SMARCA2: variants seen among roughly 807,000 people sequenced by gnomAD.
SMARCA2 encodes SWI/SNF-related matrix-associated actin-dependent regulator of chromatin subfamily A member 2.
In SMARCA2, 61 loss-of-function variants were observed where a neutral mutation model predicts 199.8. The ratio of observed to expected loss-of-function variants is 0.31; its 90% CI spans 0.25 to 0.38. The LOEUF is 0.38. Ranked by LOEUF, SMARCA2 falls within the 10% of genes least tolerant of loss-of-function variation. The probability of loss-of-function intolerance (pLI) is 1.00; values close to 1 mark genes in which losing one functional copy is unlikely to be tolerated. For synonymous variants in SMARCA2, 935 were observed against 732.0 expected (o/e 1.28, Z -4.48); for missense variants, 1,344 against 2,012.2 (o/e 0.67, Z 6.35).
intron 27 of SMARCA2, chr9:2,160,222 T>A: frequency 2.5e-6 from 1 of 393,592 alleles, no homozygotes; most frequent in Non-Finnish European, 4.5e-6. Flanking sequence ...TTTTTTTTTT[T>A]TTTTCCTTTT....
In SMARCA2 at chr9:2,083,339, T is replaced by A; in HGVS notation, c.2349-8T>A. On this transcript the variant is annotated splice_polypyrimidine_tract_variant and splice_region_variant and intron_variant, in intron 15 of 33. Coordinates refer to ENST00000349721, the MANE Select transcript of SMARCA2 (RefSeq NM_003070.5). ...TTTTTTCTGTTGTTTTTTTTTTTTG[T>A]TCCATAGGACTCTATCTAACTGGAC... 1 of 1,533,266 alleles carries A rather than the reference T, an allele frequency of 6.5e-7. No homozygotes were observed. The highest frequency in any genetic ancestry group is 8.8e-7 in the Non-Finnish European group (1 of 1,134,966). 95.0% of individuals were successfully genotyped at this position (1,533,266 alleles called of 1,614,324 possible).
chr9:2,058,223 C>A (rs561017455), intron 7 of SMARCA2, 68 bp from the exon 8 acceptor site: 2 of 1,392,778 alleles, frequency 1.4e-6, no homozygotes, highest in African/African-American at 1.4e-5. Context: ...TTGGACAACA[C>A]TGATAGCTCA....
At chr9:2,083,304 T>C (rs1359618158) in intron 15 of SMARCA2, 43 bp from the exon 16 acceptor site, 1 of 1,325,282 alleles carries the variant, frequency 7.5e-7, no homozygotes, top group Non-Finnish European at 1.1e-6. Flanking sequence ...TTGATTTTTA[T>C]ACAAATGTCT....
chr9:2,173,959 T>G (rs1826396555), intron 29 of SMARCA2, among the ~76,000 whole-genome samples: 3 of 152,198 alleles, frequency 2.0e-5, no homozygotes, highest in Non-Finnish European at 2.9e-5. Context: ...TATTTTGCCC[T>G]CATTACAAAT....
intron 10 of SMARCA2, among the ~76,000 whole-genome samples, chr9:2,072,684 C>T (rs1411846472): frequency 6.6e-6 from 1 of 152,170 alleles, no homozygotes; most frequent in Non-Finnish European, 1.5e-5. Context: ...TTACAAATGA[C>T]CAAAATCAAG....
chr9:2,073,198 T>C lies in SMARCA2; in HGVS notation c.1747-14T>C. 1.9e-6 allele frequency: 3 copies of C among 1,613,872 alleles called. No homozygotes were observed. Among genetic ancestry groups the C allele is most frequent in the South Asian group, 1.1e-5 (1 of 91,010 alleles). Reference sequence around the variant, plus strand: ...TTAACATGAAACCGTGACATGATTTTCCCTCCTTTGTAGCCCATAGATGAG... The same window carrying C: ...TTAACATGAAACCGTGACATGATTTCCCCTCCTTTGTAGCCCATAGATGAG... On this transcript the variant is annotated splice_polypyrimidine_tract_variant and intron_variant, in intron 10 of 33. Coordinates refer to ENST00000349721, the MANE Select transcript of SMARCA2 (RefSeq NM_003070.5).
At chr9:2,157,825 G>C in intron 27 of SMARCA2, 1 of 398,288 alleles carries the variant, frequency 2.5e-6, no homozygotes, top group South Asian at 1.3e-4. Context: ...TTACACCACC[G>C]GGTTGAGAAG....
chr9:2,161,607 A>G lies in SMARCA2; in HGVS notation c.3982-79A>G, dbSNP rs1825679614. On this transcript the variant is annotated intron_variant, in intron 27 of 33. Transcript: ENST00000349721. This position sits in a 1 kb window ranked among gnomAD's most constrained non-coding sequence, Gnocchi z 4.7. ...TCATTTTATTCTAATTGTTGGAGCT[A>G]TATATAAATATACACATACTTTTTT... 1.1e-6 allele frequency: 1 copy of G among 894,866 alleles called. No individual in the cohort carries two copies. Among genetic ancestry groups the G allele is most frequent in the Non-Finnish European group, 1.8e-6 (1 of 567,290 alleles). The allele number at this position is 894,866 out of a possible 1,614,324, so 55.4% of individuals were successfully genotyped here. A position where few individuals can be genotyped will look rare whatever the true frequency, so the allele number is the denominator to read the frequency against.
intron 23 of SMARCA2, among the ~76,000 whole-genome samples, chr9:2,106,443 A>G (rs1188125345): frequency 6.6e-6 from 1 of 152,218 alleles, no homozygotes; most frequent in African/African-American, 2.4e-5. Flanking sequence ...GGAGACAGAC[A>G]AGCAAATTGC....
intron 23 of SMARCA2, among the ~76,000 whole-genome samples, chr9:2,105,861 C>G (rs1382845020): frequency 6.6e-6 from 1 of 152,196 alleles, no homozygotes; most frequent in Non-Finnish European, 1.5e-5. Context: ...TACTTTGTGG[C>G]ATTTCATTTC....
rs7874677 is a variant in SMARCA2, at chr9:2,080,878, T to A, written c.2185-954T>A. On this transcript the variant is annotated intron_variant, in intron 14 of 33. Transcript: ENST00000349721. ...CTCATTCATTGTTTTCTCTTTTATT[T>A]GAGCTTCTGAAGGGAGGCATGCATC... Among the ~76,000 whole-genome samples the A allele has an allele frequency of 6.5e-3, 985 of 152,346 alleles. 17 individuals carry two copies. Among genetic ancestry groups the A allele is most frequent in the African/African-American group, 0.023 (940 of 41,578 alleles).
chr9:2,098,357 CTCT>C (rs772673557), intron 21 of SMARCA2, among the ~76,000 whole-genome samples: 4 of 152,216 alleles, frequency 2.6e-5, no homozygotes, highest in Non-Finnish European at 5.9e-5. Context: ...AGTTGGAGCA[CTCT>C]TCTTTTCGAA....
chr9:2,113,725 C>T (rs1823103937), intron 24 of SMARCA2, among the ~76,000 whole-genome samples: 1 of 152,170 alleles, frequency 6.6e-6, no homozygotes, highest in African/African-American at 2.4e-5. Flanking sequence ...TAATGTCTGA[C>T]CGTGTTCCTA....
intron 4 of SMARCA2, 176 bp downstream of exon 4, chr9:2,040,076 G>C: frequency 8.0e-7 from 1 of 1,243,152 alleles, no homozygotes; most frequent in Non-Finnish European, 1.1e-6. Context: ...TTCCCCTGCT[G>C]TTGAGACCTA....
chr9:2,099,528 G>A (rs751383767), intron 21 of SMARCA2, among the ~76,000 whole-genome samples: 1 of 152,110 alleles, frequency 6.6e-6, no homozygotes, highest in Non-Finnish European at 1.5e-5. Flanking sequence ...GAGGAGGAGG[G>A]GGAATCATGA....
At position 2,055,295 on chromosome 9, in the gene SMARCA2, G is replaced by C. The variant is rs141800450; in HGVS notation, c.1173+572G>C. The stretch of plus-strand genomic sequence containing the variant: ...AATCAGTAAATTATCTGCTCTTGTA[G>C]TTTACAGCAGTTATTAAAAGCCAGT... On this transcript the variant is annotated intron_variant, in intron 6 of 33. Coordinates refer to ENST00000349721, the MANE Select transcript of SMARCA2 (RefSeq NM_003070.5). 9.1e-4 allele frequency among the ~76,000 whole-genome samples: 138 copies of C among 152,320 alleles called. 2 individuals are homozygous for C. The highest frequency in any genetic ancestry group is 3.2e-3 in the African/African-American group (132 of 41,570).
rs1014936208 is a variant in SMARCA2, at chr9:2,123,479, G to A, written c.3763-240G>A. ...ACTAAGAAAAGGAAATTCTTTAAAA[G>A]TACTTTTTAAATGTATGAATAAGTT... is the stretch of plus-strand genomic sequence containing the variant. On this transcript the variant is annotated intron_variant, in intron 26 of 33. Transcript: ENST00000349721. The surrounding 1 kb of genome is among the most constrained non-coding windows in gnomAD (Gnocchi z 4.1). Among the ~76,000 whole-genome samples the A allele has an allele frequency of 1.3e-5, 2 of 152,156 alleles. No individual in the cohort carries two copies. The highest frequency in any genetic ancestry group is 6.5e-5 in the Admixed American group (1 of 15,280).
rs1398250260 is a variant in SMARCA2 at position 2,123,411 on chromosome 9, T to G, written c.3763-308T>G. ...TTTAAAATGCATTCCCAATTTGAATTTTTCCACTATTACTTTAAAGAGGGA... is the reference window on the plus strand; with the variant it reads ...TTTAAAATGCATTCCCAATTTGAATGTTTCCACTATTACTTTAAAGAGGGA... On this transcript the variant is annotated intron_variant, in intron 26 of 33. Transcript: ENST00000349721. This position sits in a 1 kb window ranked among gnomAD's most constrained non-coding sequence, Gnocchi z 4.1. Among the ~76,000 whole-genome samples, 2 of 152,178 alleles carry G rather than the reference T, an allele frequency of 1.3e-5. No homozygotes were observed. Among genetic ancestry groups the G allele is most frequent in the Non-Finnish European group, 2.9e-5 (2 of 68,016 alleles).
intron 19 of SMARCA2, among the ~76,000 whole-genome samples, chr9:2,092,090 A>C (rs1261698209): frequency 6.6e-6 from 1 of 152,234 alleles, no homozygotes; most frequent in Non-Finnish European, 1.5e-5. Flanking sequence ...GGATTATGTA[A>C]GAACAACTTA....
Sources: allele counts gnomAD v4.1 joint callset (sites outside exome capture counted in the v4.1 genomes callset), GRCh38; gene constraint gnomAD v4.1.1; non-coding constraint Gnocchi (gnomAD v3.1); transcripts MANE v1.5; gene names NCBI Gene and HGNC (gene_info 2026-07-23, HGNC 2026-07-21).